SNORC: variants seen among roughly 807,000 people sequenced by gnomAD.
The protein encoded by SNORC is secondary ossification center associated regulator of chondrocyte maturation.
In SNORC, 11 loss-of-function variants were observed where a neutral mutation model predicts 9.7. The observed-to-expected ratio is 1.14, with a 90% CI of 0.72 to 1.88. SNORC has a LOEUF of 1.88. Ranked by LOEUF, SNORC falls within the 40% of genes most tolerant of loss-of-function variation. SNORC has a pLI of 0.00. For missense variants in SNORC, 197 were observed against 173.1 expected (o/e 1.14, Z -0.77); for synonymous variants, 108 against 88.7 (o/e 1.22, Z -1.22).
downstream of SNORC, chr2:232,877,194 A>AG: frequency 1.0e-6 from 1 of 985,416 alleles, no homozygotes; most frequent in Non-Finnish European, 1.2e-6. Context: ...TCTCACCCCC[A>AG]GGCCTGGCTG....
Position 232,876,284 on chromosome 2 carries a change from C to T in SNORC, c.294C>T (p.Ile98=), listed in dbSNP as rs771706939. 5.2e-6 allele frequency: 8 copies of T among 1,532,896 alleles called. No homozygotes were observed. The South Asian group carries it at 9.6e-5, about 18-fold the overall frequency. 95.0% of individuals were successfully genotyped at this position (1,532,896 alleles called of 1,614,324 possible). A position where few individuals can be genotyped will look rare whatever the true frequency, so the allele number is the denominator to read the frequency against. The stretch of plus-strand genomic sequence containing the variant: ...CCGGCGCTATCGCGGCCATCGTGAT[C>T]GCCGCCCTGCTGGCCACCTGCGTGG... The change falls in exon 3 of 3, where the codon ATC becomes ATT. Residue 98 remains isoleucine, a synonymous_variant. Transcript: ENST00000331342. The surrounding 1 kb of genome is among the most constrained non-coding windows in gnomAD (Gnocchi z 6.8).
At position 232,876,395 on chromosome 2, in the gene SNORC, G is replaced by C; in HGVS notation, c.*39G>C. 1 of 1,508,140 alleles carries C rather than the reference G, an allele frequency of 6.6e-7. No individual in the cohort carries two copies. 93.4% of individuals were successfully genotyped at this position (1,508,140 alleles called of 1,614,324 possible). A position where few individuals can be genotyped will look rare whatever the true frequency, so the allele number is the denominator to read the frequency against. ...GCCGCGCCCGGCCGCGGCGCGACTC[G>C]GCTGCACTCCTCACGCGCCTGTATG... is the stretch of plus-strand genomic sequence containing the variant. On this transcript the variant is annotated 3_prime_UTR_variant, in exon 3 of 3. Coordinates refer to ENST00000331342, the Ensembl canonical transcript of SNORC. The surrounding 1 kb of genome is among the most constrained non-coding windows in gnomAD (Gnocchi z 6.8).
intron 1 of SNORC, among the ~76,000 whole-genome samples, chr2:232,871,668 C>A (rs971708432): frequency 2.0e-5 from 3 of 152,314 alleles, no homozygotes; most frequent in African/African-American, 7.2e-5. Context: ...GCGAGCCATG[C>A]GGTGTTCCCA....
At chr2:232,872,746 G>T (rs1010965145) in intron 1 of SNORC, among the ~76,000 whole-genome samples, 1 of 152,210 alleles carries the variant, frequency 6.6e-6, no homozygotes, top group Non-Finnish European at 1.5e-5. Flanking sequence ...ACTCCTGCTG[G>T]GAAACTGCTC....
chr2:232,875,851 A>AC, intron 1 of SNORC, 89 bp from the exon 2 acceptor site: 1 of 1,354,918 alleles, frequency 7.4e-7, no homozygotes, highest in Non-Finnish European at 9.9e-7. Context: ...ACACAGCGCT[A>AC]CCGGCAACTT....
chr2:232,872,616 C>G (rs879731024), intron 1 of SNORC, among the ~76,000 whole-genome samples: 9 of 152,154 alleles, frequency 5.9e-5, no homozygotes, highest in African/African-American at 1.7e-4. Context: ...CCTCCGTGCC[C>G]CCACCTCTTT....
At chr2:232,875,863 C>G in intron 1 of SNORC, 77 bp from the exon 2 acceptor site, 1 of 1,431,862 alleles carries the variant, frequency 7.0e-7, no homozygotes, top group East Asian at 2.6e-5. Context: ...CGGCAACTTG[C>G]TTAACCTAGA....
rs1266963267 is a variant in SNORC, at chr2:232,876,110, G to A, written c.244G>A (p.Asp82Asn). 4.6e-6 allele frequency: 6 copies of A among 1,291,244 alleles called. No homozygotes were observed. The South Asian group carries it at 7.6e-5, about 16-fold the overall frequency. 80.0% of individuals were successfully genotyped at this position (1,291,244 alleles called of 1,614,324 possible). ...GGACAGCACCGCGCAGGAGCGGCTG[G>A]ACCAGGGCGGCGGTACGGGCGGGGC... The change falls in exon 2 of 3, where the codon GAC (aspartate) becomes AAC (asparagine). Residue 82 changes from aspartate to asparagine, a missense_variant. By Grantham distance (23) the Asp-to-Asn change is conservative. Coordinates refer to ENST00000331342, the Ensembl canonical transcript of SNORC. This position sits in a 1 kb window ranked among gnomAD's most constrained non-coding sequence, Gnocchi z 6.8.
chr2:232,874,044 G>A (rs1385943509), intron 1 of SNORC, among the ~76,000 whole-genome samples: 2 of 152,228 alleles, frequency 1.3e-5, no homozygotes, highest in African/African-American at 4.8e-5. Flanking sequence ...TCAGCAAGCT[G>A]TCTCAGAGCT....
chr2:232,871,781 C>T (rs1691034206), intron 1 of SNORC, among the ~76,000 whole-genome samples: 1 of 152,226 alleles, frequency 6.6e-6, no homozygotes, highest in African/African-American at 2.4e-5. Context: ...GCTGCTTCTC[C>T]AGCCTGGTGG....
chr2:232,870,995 C>T (rs1691006527), intron 1 of SNORC, among the ~76,000 whole-genome samples: 1 of 152,132 alleles, frequency 6.6e-6, no homozygotes, highest in African/African-American at 2.4e-5. Context: ...AGAGGGAGGC[C>T]TCTGGCAGGC....
chr2:232,866,713 T>C (rs1004304724), upstream of SNORC, among the ~76,000 whole-genome samples: 1 of 151,238 alleles, frequency 6.6e-6, no homozygotes, highest in African/African-American at 2.4e-5. Flanking sequence ...AAAAAAAAAG[T>C]GAGTTTTGTT....
At chr2:232,876,757 C>A (rs1225670385), downstream of SNORC, 1 of 985,338 alleles carries the variant, frequency 1.0e-6, no homozygotes, top group African/African-American at 1.7e-5. This position sits in a 1 kb window ranked among gnomAD's most constrained non-coding sequence, Gnocchi z 6.8. Flanking sequence ...GTGCGGCCAG[C>A]GGTCTTAGCC....
At chr2:232,875,813 C>T (rs1424952104) in intron 1 of SNORC, 127 bp from the exon 2 acceptor site, 2 of 977,704 alleles carry the variant, frequency 2.0e-6, no homozygotes, top group Non-Finnish European at 2.9e-6. Flanking sequence ...AATGTGAGGG[C>T]TAGTGCAGCG....
chr2:232,876,934 G>T, downstream of SNORC: 1 of 985,462 alleles, frequency 1.0e-6, no homozygotes, highest in Non-Finnish European at 1.2e-6. The surrounding 1 kb of genome is among the most constrained non-coding windows in gnomAD (Gnocchi z 6.8). Context: ...GTAAGCGCTA[G>T]GGCAGGAGAG....
At chr2:232,876,623 C>T (rs1403886081), downstream of SNORC, 44 of 1,058,870 alleles carry the variant, frequency 4.2e-5, no homozygotes, top group Admixed American at 1.9e-3. This position sits in a 1 kb window ranked among gnomAD's most constrained non-coding sequence, Gnocchi z 6.8. Context: ...TGGCGTGCAC[C>T]TGAGCGCGCG....
downstream of SNORC, chr2:232,877,455 T>C (rs1469197520): frequency 9.8e-6 from 7 of 716,722 alleles, no homozygotes; most frequent in Non-Finnish European, 1.2e-5. Flanking sequence ...AGGGAAGGGT[T>C]GGACAGTTTG....
In SNORC at chr2:232,876,270, G is replaced by C. The variant is rs778673841; in HGVS notation, c.280G>C (p.Ala94Pro). The C allele has an allele frequency of 6.6e-7, 1 of 1,521,680 alleles. No homozygotes were observed. Among genetic ancestry groups the C allele is most frequent in the Admixed American group, 2.1e-5 (1 of 46,540 alleles). The allele number at this position is 1,521,680 out of a possible 1,614,324, so 94.3% of individuals were successfully genotyped here. The change falls in exon 3 of 3, where the codon GCG becomes CCG. Residue 94 changes from alanine to proline, a missense_variant. By Grantham distance (27) the Ala-to-Pro change is conservative. Coordinates refer to ENST00000331342, the Ensembl canonical transcript of SNORC. The surrounding 1 kb of genome is among the most constrained non-coding windows in gnomAD (Gnocchi z 6.8). ...AGGGTCGCTGGGGCCCGGCGCTATC[G>C]CGGCCATCGTGATCGCCGCCCTGCT...
Position 232,876,024 on chromosome 2 carries a change from G to T in SNORC, c.158G>T (p.Ser53Ile). 5 of 1,547,002 alleles carry T rather than the reference G, an allele frequency of 3.2e-6. No individual in the cohort carries two copies. The highest frequency in any genetic ancestry group is 3.5e-6 in the Non-Finnish European group (4 of 1,149,432). ...GGAGAAGGCCCCGTGGAGAGCACCAGCCCCGGCCGGGAGCCCGTGGACACC... is the reference window on the plus strand; with the variant it reads ...GGAGAAGGCCCCGTGGAGAGCACCATCCCCGGCCGGGAGCCCGTGGACACC... The change falls in exon 2 of 3, where the codon AGC (serine) becomes ATC (isoleucine). Residue 53 changes from serine to isoleucine, a missense_variant. Physicochemically the swap from Ser to Ile is moderately radical, Grantham distance 142. Coordinates refer to ENST00000331342, the Ensembl canonical transcript of SNORC. The surrounding 1 kb of genome is among the most constrained non-coding windows in gnomAD (Gnocchi z 6.8).
Sources: gnomAD v4.1 joint callset for allele counts (sites outside exome capture counted in the v4.1 genomes callset) on GRCh38, gnomAD v4.1.1 for gene constraint, Gnocchi (gnomAD v3.1) non-coding constraint, MANE v1.5 for transcripts, NCBI Gene and HGNC (gene_info 2026-07-23, HGNC 2026-07-21) for gene names.